The following WDR44 variants were observed in gnomAD, a reference collection of about 807,000 sequenced individuals.
WDR44 encodes the protein WD repeat domain 44, also known as WD repeat-containing protein 44.
In WDR44, 9 loss-of-function variants were observed where a neutral mutation model predicts 65.7. That is an observed-to-expected ratio of 0.14 (90% CI 0.08 to 0.24). The LOEUF is 0.24. WDR44 is among the 10% of genes least tolerant of loss of function. The pLI, the probability that WDR44 is intolerant of heterozygous loss-of-function variation, is 1.00. For missense variants in WDR44, 425 were observed against 670.9 expected, an observed-to-expected ratio of 0.63 and a Z score of 4.05; for synonymous variants, 220 against 235.2, an observed-to-expected ratio of 0.94 and a Z score of 0.59.
chrX:118,421,980 C>A (rs750792033), intron 12 of WDR44, among the ~76,000 whole-genome samples: 2 of 111,782 alleles, frequency 1.8e-5, no homozygotes, highest in South Asian at 7.4e-4. Context: ...CTTTTTGATA[C>A]TAGAAGCTGT....
chrX:118,439,608 A>G (rs920092215), intron 14 of WDR44, among the ~76,000 whole-genome samples: 1 of 111,074 alleles, frequency 9.0e-6, no homozygotes, highest in African/African-American at 3.3e-5. Flanking sequence ...GGAGATACAC[A>G]TACATAGATG....
At chrX:118,377,672 G>T (rs1418471882) in intron 1 of WDR44, among the ~76,000 whole-genome samples, 1 of 107,444 alleles carries the variant, frequency 9.3e-6, no homozygotes, top group Non-Finnish European at 1.9e-5. Context: ...AAGATACTCA[G>T]ATCTCTAGGT....
At chrX:118,409,372 C>T (rs1425383990) in intron 10 of WDR44, 117 bp from the exon 11 acceptor site, 5 of 749,190 alleles carry the variant, frequency 6.7e-6, no homozygotes, top group Non-Finnish European at 9.6e-6. Flanking sequence ...TTAGGTGATC[C>T]ACCTGCCTCA....
At chrX:118,418,936 T>C (rs886103927) in intron 12 of WDR44, among the ~76,000 whole-genome samples, 2 of 110,497 alleles carry the variant, frequency 1.8e-5, no homozygotes, top group African/African-American at 6.6e-5. Flanking sequence ...CTGCCTCTGC[T>C]GAGTCATGCA....
chrX:118,355,515 T>G (rs772103802), intron 1 of WDR44, among the ~76,000 whole-genome samples: 1 of 112,255 alleles, frequency 8.9e-6, no homozygotes, highest in South Asian at 3.7e-4. Context: ...TTTGTCTGTA[T>G]TTTGCAATGG....
intron 14 of WDR44, among the ~76,000 whole-genome samples, chrX:118,438,877 C>T (rs2057279200): frequency 9.8e-6 from 1 of 101,822 alleles, no homozygotes; most frequent in Admixed American, 1.1e-4. Context: ...CAACCTCCAC[C>T]TCCCGAGTTC....
chrX:118,404,132 G>T (rs147452315), intron 8 of WDR44, among the ~76,000 whole-genome samples: 5 of 112,050 alleles, frequency 4.5e-5, no homozygotes, highest in Non-Finnish European at 9.4e-5. Flanking sequence ...GTAAATTGGG[G>T]GAAAGGGTGT....
chrX:118,427,509 A>T (rs2057168018), intron 12 of WDR44, among the ~76,000 whole-genome samples: 1 of 108,692 alleles, frequency 9.2e-6, no homozygotes, highest in Non-Finnish European at 1.9e-5. Context: ...TGACCTCGTG[A>T]TCTGCCCTCC....
rs140806673 is a variant in WDR44, at chrX:118,439,897, A to T, written c.1975-1471A>T. 5.9e-3 allele frequency among the ~76,000 whole-genome samples: 644 copies of T among 109,260 alleles called. 12 individuals carry two copies. Among genetic ancestry groups the T allele is most frequent in the African/African-American group, 0.02 (593 of 29,939 alleles). 94.9% of individuals were successfully genotyped at this position (109,260 alleles called of 115,157 possible). On this transcript the variant is annotated intron_variant, in intron 14 of 19. Transcript: ENST00000254029. ...CACTTTGGGAGTTTGAGGCAGGAGG[A>T]TCACTTGAGGCCAGGAGTTTGAGAC...
At chrX:118,368,712 C>CT (rs57659623) in intron 1 of WDR44, among the ~76,000 whole-genome samples, 7,135 of 70,582 alleles carry the variant, frequency 0.1, 835 homozygotes, top group African/African-American at 0.29. Flanking sequence ...CATACTCTTC[C>CT]TTTTTTTTTT....
intron 5 of WDR44, among the ~76,000 whole-genome samples, chrX:118,394,807 A>G (rs754295461): frequency 2.7e-5 from 3 of 111,344 alleles, no homozygotes. Context: ...CAAGCTAAGA[A>G]TGTTCTTTAC....
At chrX:118,368,459 C>CTATATATATACATATATATATA (rs2056573423) in intron 1 of WDR44, among the ~76,000 whole-genome samples, 1 of 72,921 alleles carries the variant, frequency 1.4e-5, no homozygotes, top group Non-Finnish European at 2.4e-5. Flanking sequence ...GAAATAGTGA[C>CTATATATATACATATATATATA]TATATATATA....
At chrX:118,407,244 T>C (rs2056975015) in intron 10 of WDR44, among the ~76,000 whole-genome samples, 1 of 112,046 alleles carries the variant, frequency 8.9e-6, no homozygotes, top group Non-Finnish European at 1.9e-5. Context: ...CTCACGCCTG[T>C]AATCCCAGCA....
At chrX:118,448,483 C>T (rs1350111939) in intron 19 of WDR44, among the ~76,000 whole-genome samples, 3 of 111,860 alleles carry the variant, frequency 2.7e-5, no homozygotes, top group Non-Finnish European at 3.8e-5. Context: ...CTGGCAACCT[C>T]GCTAGACACC....
chrX:118,438,583 CCACTATGCCTG>C (rs1323127054), intron 14 of WDR44, among the ~76,000 whole-genome samples: 11 of 110,067 alleles, frequency 1.0e-4, no homozygotes, highest in East Asian at 2.9e-4. Flanking sequence ...CAGGCATGCA[CCACTATGCCTG>C]CACTATGCCT....
rs966645351 is a variant in WDR44, at chrX:118,441,246, A to G, written c.1975-122A>G. 3.5e-5 allele frequency: 23 copies of G among 654,150 alleles called. 1 individual carries two copies. The South Asian group carries it at 6.9e-4, about 20-fold the overall frequency. 53.9% of individuals were successfully genotyped at this position (654,150 alleles called of 1,213,427 possible). ...AGTGCTAGGATTATAGGCGTGAGCCACCGCACCTGGCCCTGAAATCTACAT... is the reference window on the plus strand; with the variant it reads ...AGTGCTAGGATTATAGGCGTGAGCCGCCGCACCTGGCCCTGAAATCTACAT... On this transcript the variant is annotated intron_variant, in intron 14 of 19. Coordinates refer to ENST00000254029, the MANE Select transcript of WDR44 (RefSeq NM_019045.5).
At chrX:118,378,630 A>G (rs957325639) in intron 2 of WDR44, among the ~76,000 whole-genome samples, 178 bp downstream of exon 2, 3 of 110,430 alleles carry the variant, frequency 2.7e-5, no homozygotes, top group Non-Finnish European at 5.7e-5. Flanking sequence ...ACTAAATATT[A>G]TGCTGTAAAG....
At chrX:118,415,598 G>T (rs1429219366) in intron 12 of WDR44, among the ~76,000 whole-genome samples, 1 of 111,421 alleles carries the variant, frequency 9.0e-6, no homozygotes, top group African/African-American at 3.3e-5. Context: ...CCGCCTCCTG[G>T]GTTCCAACGA....
intron 19 of WDR44, 74 bp from the exon 20 acceptor site, chrX:118,448,819 G>C (rs749790028): frequency 1.0e-5 from 7 of 675,752 alleles, no homozygotes; most frequent in Non-Finnish European, 1.6e-5. Context: ...AGGGTCATGG[G>C]CATGTGATAA....
Sources: allele counts gnomAD v4.1 joint callset (sites outside exome capture counted in the v4.1 genomes callset), GRCh38; gene constraint gnomAD v4.1.1; transcripts MANE v1.5; gene names NCBI Gene and HGNC (gene_info 2026-07-23, HGNC 2026-07-21).